The following SHANK2 variants were observed in gnomAD, a reference collection of about 807,000 sequenced individuals.
SHANK2 encodes SH3 and multiple ankyrin repeat domains 2, also known as SH3 and multiple ankyrin repeat domains protein 2.
SHANK2 carries 43 observed loss-of-function variants against 133.7 expected under a neutral mutation model. That is an observed-to-expected ratio of 0.32 (90% CI 0.25 to 0.41). SHANK2 has a LOEUF of 0.41. Among genes scored for constraint, SHANK2 ranks in the 10% least tolerant of loss-of-function variants. The probability of loss-of-function intolerance (pLI) is 1.00; values close to 1 mark genes in which losing one functional copy is unlikely to be tolerated. For synonymous variants in SHANK2, 1,017 were observed against 952.8 expected (o/e 1.07, Z -1.24); for missense variants, 1,994 against 2,235.8 (o/e 0.89, Z 2.18).
chr11:71,176,771 A>AC lies in SHANK2; in HGVS notation c.-12-29434_-12-29433insG, dbSNP rs1311622766. On this transcript the variant is annotated intron_variant, in intron 2 of 25. Transcript: ENST00000601538. Reference sequence around the variant, plus strand: ...ATATGTACATAGTTGGAGTTTCTAAAAAAAAAGAGGGGGGAACAGAACAAA... The same window carrying AC: ...ATATGTACATAGTTGGAGTTTCTAAACAAAAAAGAGGGGGGAACAGAACAAA... Among the ~76,000 whole-genome samples, 132 of 152,264 alleles carry AC rather than the reference A, an allele frequency of 8.7e-4. 2 individuals carry two copies. Among genetic ancestry groups the AC allele is most frequent in the Non-Finnish European group, 3.8e-4 (26 of 68,012 alleles).
chr11:71,102,057 T>A (rs143459644), intron 6 of SHANK2, among the ~76,000 whole-genome samples: 1 of 152,298 alleles, frequency 6.6e-6, no homozygotes, highest in African/African-American at 2.4e-5. Flanking sequence ...ATTTCTAGCT[T>A]TATTAGCCAG....
intron 21 of SHANK2, among the ~76,000 whole-genome samples, chr11:70,495,384 C>T (rs1591501803): frequency 6.6e-6 from 1 of 152,248 alleles, no homozygotes. Context: ...TGGGCTTCTC[C>T]CCCTTGACTT....
At position 70,468,472 on chromosome 11, in the gene SHANK2, G is replaced by A. The variant is rs2058559867; in HGVS notation, c.*4397C>T. 6.6e-6 allele frequency: 1 copy of A among 152,216 alleles called. No homozygotes were observed. The highest frequency in any genetic ancestry group is 1.5e-5 in the Non-Finnish European group (1 of 68,050). 9.4% of individuals were successfully genotyped at this position (152,216 alleles called of 1,614,324 possible). A position where few individuals can be genotyped will look rare whatever the true frequency, so the allele number is the denominator to read the frequency against. ...TGTGGTCACCCAGCCACTGTGGAAT[G>A]TTCACCTACTTGCATGGGTTCATGG... On this transcript the variant is annotated 3_prime_UTR_variant, in exon 26 of 26. Transcript: ENST00000601538.
At chr11:70,723,138 G>A (rs1235274368) in intron 14 of SHANK2, among the ~76,000 whole-genome samples, 1 of 152,112 alleles carries the variant, frequency 6.6e-6, no homozygotes, top group Non-Finnish European at 1.5e-5. Context: ...TGGTCTTCAG[G>A]CCCTGATGTG....
rs1293487651 is a variant in SHANK2 at position 70,804,315 on chromosome 11, G to A, written c.1663+2687C>T. Among the ~76,000 whole-genome samples the A allele has an allele frequency of 6.6e-6, 1 of 152,224 alleles. No homozygotes were observed. The highest frequency in any genetic ancestry group is 1.5e-5 in the Non-Finnish European group (1 of 68,034). ...AGGATGTGCGGGCCACCCCACGATG[G>A]GGAGGAGGCACCGACAGCTCGGCAG... On this transcript the variant is annotated intron_variant, in intron 13 of 25. Coordinates refer to ENST00000601538, the MANE Select transcript of SHANK2 (RefSeq NM_012309.5). This position sits in a 1 kb window ranked among gnomAD's most constrained non-coding sequence, Gnocchi z 4.1.
chr11:71,136,822 G>A (rs1730579293), intron 3 of SHANK2, among the ~76,000 whole-genome samples: 2 of 152,154 alleles, frequency 1.3e-5, no homozygotes, highest in South Asian at 4.1e-4. Context: ...GGTGGTGACA[G>A]GTGCACAACT....
intron 17 of SHANK2, among the ~76,000 whole-genome samples, chr11:70,551,751 G>A (rs547996093): frequency 1.4e-4 from 21 of 152,352 alleles, no homozygotes; most frequent in African/African-American, 4.8e-4. Context: ...TCAGCTGTGG[G>A]CCCCACCTGG....
At chr11:70,520,745 A>G (rs782313047) in intron 17 of SHANK2, among the ~76,000 whole-genome samples, 1 of 152,164 alleles carries the variant, frequency 6.6e-6, no homozygotes, top group African/African-American at 2.4e-5. Context: ...TCCTCCCTTT[A>G]TCTTTCAGTT....
chr11:71,200,645 G>A (rs921316386), intron 2 of SHANK2, among the ~76,000 whole-genome samples: 2 of 152,042 alleles, frequency 1.3e-5, no homozygotes, highest in Admixed American at 6.5e-5. Flanking sequence ...TTGCCAGGCC[G>A]TCTTCCTCAG....
At chr11:70,906,561 G>A (rs1330834567) in intron 10 of SHANK2, among the ~76,000 whole-genome samples, 6 of 152,150 alleles carry the variant, frequency 3.9e-5, no homozygotes, top group African/African-American at 1.2e-4. Flanking sequence ...ATTTAGAGGC[G>A]GCTCTGTGAT....
At chr11:70,809,866 C>A (rs1422429907) in intron 12 of SHANK2, among the ~76,000 whole-genome samples, 2 of 152,160 alleles carry the variant, frequency 1.3e-5, no homozygotes, top group African/African-American at 4.8e-5. Flanking sequence ...GTCCCCTGTC[C>A]CTAGGGATGC....
At position 71,126,969 on chromosome 11, in the gene SHANK2, T is replaced by C. The variant is rs1325127447; in HGVS notation, c.208-7937A>G. Among the ~76,000 whole-genome samples, 14 of 152,270 alleles carry C rather than the reference T, an allele frequency of 9.2e-5. 1 individual carries two copies. The highest frequency in any genetic ancestry group is 3.4e-4 in the African/African-American group (14 of 41,548). ...ATCTGCCCACCTCGGCCTCCCAAAA[T>C]GCTGGGACTACAGGCTTGAGCCACC... is the stretch of plus-strand genomic sequence containing the variant. On this transcript the variant is annotated intron_variant, in intron 3 of 25. Coordinates refer to ENST00000601538, the MANE Select transcript of SHANK2 (RefSeq NM_012309.5).
At chr11:71,134,016 T>C (rs1555104266) in intron 3 of SHANK2, among the ~76,000 whole-genome samples, 1 of 151,238 alleles carries the variant, frequency 6.6e-6, no homozygotes, top group African/African-American at 2.4e-5. Flanking sequence ...ATTACAGTTG[T>C]GCACCACTGC....
chr11:70,563,327 A>G (rs2136139506), intron 17 of SHANK2, among the ~76,000 whole-genome samples: 1 of 152,332 alleles, frequency 6.6e-6, no homozygotes, highest in African/African-American at 2.4e-5. Flanking sequence ...GTACAATACA[A>G]GAACTTACAA....
intron 6 of SHANK2, among the ~76,000 whole-genome samples, chr11:71,096,366 G>A (rs1555095414): frequency 6.6e-6 from 1 of 152,238 alleles, no homozygotes; most frequent in Admixed American, 6.5e-5. Flanking sequence ...CATGGCCAGA[G>A]TTCCACATGT....
At position 70,688,905 on chromosome 11, in the gene SHANK2, T is replaced by C. The variant is rs147165477; in HGVS notation, c.1853+9783A>G. Among the ~76,000 whole-genome samples the C allele has an allele frequency of 2.6e-5, 4 of 152,352 alleles. No individual in the cohort carries two copies. The East Asian group carries it at 7.7e-4, about 29-fold the overall frequency. On this transcript the variant is annotated intron_variant, in intron 15 of 25. Transcript: ENST00000601538. Reference sequence around the variant, plus strand: ...CAAGATAAACAGACCAGCACTTCAATTTTCAATTTGGATCCTACTACTTGT... The same window carrying C: ...CAAGATAAACAGACCAGCACTTCAACTTTCAATTTGGATCCTACTACTTGT...
intron 17 of SHANK2, among the ~76,000 whole-genome samples, chr11:70,597,022 T>A (rs782334168): frequency 1.2e-4 from 19 of 152,006 alleles, no homozygotes; most frequent in Non-Finnish European, 2.4e-4. Context: ...CTGGTCTATA[T>A]CTGTTTTGCA....
chr11:70,618,489 C>A (rs2060786798), intron 17 of SHANK2, among the ~76,000 whole-genome samples: 1 of 152,182 alleles, frequency 6.6e-6, no homozygotes, highest in African/African-American at 2.4e-5. Flanking sequence ...GCCACCCCGC[C>A]CTAGGTTCCA....
At chr11:70,754,672 A>G (rs1555038302) in intron 14 of SHANK2, among the ~76,000 whole-genome samples, 1 of 152,190 alleles carries the variant, frequency 6.6e-6, no homozygotes, top group Non-Finnish European at 1.5e-5. Flanking sequence ...GGAGGTGGAA[A>G]TAAAGAGCTT....
Sources: gnomAD v4.1 joint callset for allele counts (sites outside exome capture counted in the v4.1 genomes callset) on GRCh38, gnomAD v4.1.1 for gene constraint, Gnocchi (gnomAD v3.1) non-coding constraint, MANE v1.5 for transcripts, NCBI Gene and HGNC (gene_info 2026-07-23, HGNC 2026-07-21) for gene names.